Variants in TENM3 observed in about 807,000 individuals in gnomAD.
TENM3 encodes the protein teneurin transmembrane protein 3.
A neutral mutation model predicts 255.1 loss-of-function variants in TENM3; 63 were observed. The observed-to-expected ratio is 0.25, with a 90% confidence interval of 0.20 to 0.30. TENM3 has a LOEUF of 0.30. Among genes scored for constraint, TENM3 ranks in the 10% least tolerant of loss-of-function variants. The probability of loss-of-function intolerance (pLI) is 1.00; values close to 1 mark genes in which losing one functional copy is unlikely to be tolerated. For missense variants in TENM3, 2,929 were observed against 3,461.1 expected (o/e 0.85, Z 3.86); for synonymous variants, 1,306 against 1,322.3 (o/e 0.99, Z 0.27).
At chr4:182,467,744 T>G (rs558052706) in intron 3 of TENM3, among the ~76,000 whole-genome samples, 39 of 152,262 alleles carry the variant, frequency 2.6e-4, no homozygotes, top group African/African-American at 8.4e-4. Flanking sequence ...AGTCTATATA[T>G]GAACTATAAT....
chr4:181,612,781 C>T, the TENM3 span, among the ~76,000 whole-genome samples: 1 of 152,140 alleles, frequency 6.6e-6, no homozygotes, highest in African/African-American at 2.4e-5. Flanking sequence ...CATAATATTA[C>T]TTCAGTTGAG....
At chr4:181,605,522 GA>G in the TENM3 span, among the ~76,000 whole-genome samples, 2 of 18,300 alleles carry the variant, frequency 1.1e-4, no homozygotes, top group Non-Finnish European at 3.0e-4. Context: ...AAGAAAGAAA[GA>G]AAGAAAGAAA....
chr4:182,562,600 CTGCCACTTTG>C (rs1412234666), intron 3 of TENM3, among the ~76,000 whole-genome samples: 1 of 152,146 alleles, frequency 6.6e-6, no homozygotes, highest in African/African-American at 2.4e-5. Flanking sequence ...TTGGAGCAGG[CTGCCACTTTG>C]AGGCTGTCTC....
At chr4:182,059,668 G>T in the TENM3 span, among the ~76,000 whole-genome samples, 4,273 of 149,774 alleles carry the variant, frequency 0.029, 179 homozygotes, top group African/African-American at 0.1. Flanking sequence ...CAACACTTTG[G>T]GAGGCCAAGG....
the TENM3 span, among the ~76,000 whole-genome samples, chr4:181,954,216 A>G: frequency 1.3e-5 from 2 of 152,174 alleles, no homozygotes; most frequent in African/African-American, 2.4e-5. Context: ...TCTACTGTGC[A>G]TAGAGTTGCT....
intron 6 of TENM3, among the ~76,000 whole-genome samples, chr4:182,671,022 A>T (rs1376821483): frequency 6.6e-6 from 1 of 152,192 alleles, no homozygotes; most frequent in African/African-American, 2.4e-5. Flanking sequence ...AGCATAAAGT[A>T]TAAAGACCAT....
At chr4:182,796,603 C>G (rs746207903) in intron 26 of TENM3, 34 bp from the exon 27 acceptor site, 1 of 1,545,986 alleles carries the variant, frequency 6.5e-7, no homozygotes, top group Non-Finnish European at 8.7e-7. Flanking sequence ...AAAACAAACT[C>G]CAACACCTTT....
At chr4:181,924,859 C>A in the TENM3 span, among the ~76,000 whole-genome samples, 2 of 152,238 alleles carry the variant, frequency 1.3e-5, no homozygotes, top group East Asian at 3.9e-4. Flanking sequence ...GCAACTTGAA[C>A]ATGTCAAGGA....
chr4:182,650,092 G>C (rs1191696103), intron 5 of TENM3, among the ~76,000 whole-genome samples: 1 of 150,622 alleles, frequency 6.6e-6, no homozygotes, highest in Non-Finnish European at 1.5e-5. Context: ...GAACCTTTGT[G>C]AAGATTAGAG....
In TENM3 at chr4:182,792,766, G is replaced by C. The variant is rs373147440; in HGVS notation, c.6094G>C (p.Gly2032Arg). The change falls in exon 26 of 28, where the codon GGT (glycine) becomes CGT (arginine). Residue 2032 changes from glycine to arginine, a missense_variant. This residue lies in a region of TENM3 where 303 missense variants were observed against 425.2 expected (regional missense o/e 0.71). Transcript: ENST00000511685. The surrounding 1 kb of genome is among the most constrained non-coding windows in gnomAD (Gnocchi z 6.3). ...CAGCTTTCGAGTGACCAGCATGCAG[G>C]GTGTGATCAATGAAACGCCACTGCC... ...DNSFRVTSMQGVINETPLPID... is the reference protein window; with the variant it reads ...DNSFRVTSMQRVINETPLPID... The C allele has an allele frequency of 1.9e-6, 3 of 1,613,866 alleles. No individual in the cohort carries two copies. Among genetic ancestry groups the C allele is most frequent in the Non-Finnish European group, 2.5e-6 (3 of 1,179,884 alleles).
the TENM3 span, among the ~76,000 whole-genome samples, chr4:181,615,604 A>G: frequency 6.6e-6 from 1 of 152,326 alleles, no homozygotes; most frequent in African/African-American, 2.4e-5. Flanking sequence ...CATCCAATAT[A>G]GTAACTCCCA....
rs1202364339 is a variant in TENM3, at chr4:182,323,936, A to G, written c.-75-10A>G. The G allele has an allele frequency of 5.1e-6, 6 of 1,182,814 alleles. No individual in the cohort carries two copies. The highest frequency in any genetic ancestry group is 2.5e-5 in the East Asian group (1 of 39,496). 73.3% of individuals were successfully genotyped at this position (1,182,814 alleles called of 1,614,324 possible). ...CATGCTGACCTCATGCAAACCTTGT[A>G]TCTTCACAGAGAGGCCAATGAGACT... On this transcript the variant is annotated splice_polypyrimidine_tract_variant and intron_variant, in intron 1 of 27. Transcript: ENST00000511685.
intron 6 of TENM3, among the ~76,000 whole-genome samples, chr4:182,664,362 C>G (rs920102096): frequency 6.6e-6 from 1 of 152,150 alleles, no homozygotes; most frequent in South Asian, 2.1e-4. Flanking sequence ...CATAAGACAG[C>G]GAACTTAATA....
the TENM3 span, among the ~76,000 whole-genome samples, chr4:182,092,285 A>AGATGGC: frequency 6.6e-6 from 1 of 152,174 alleles, no homozygotes; most frequent in Non-Finnish European, 1.5e-5. Context: ...CAGTGAGTTG[A>AGATGGC]GATGGCGCCA....
chr4:182,661,327 A>G (rs116391253), intron 6 of TENM3, among the ~76,000 whole-genome samples: 1,546 of 149,742 alleles, frequency 0.01, 27 homozygotes, highest in African/African-American at 0.035. Context: ...CAGCCTCCCG[A>G]GTAGCTGGGA....
the TENM3 span, among the ~76,000 whole-genome samples, chr4:181,804,047 G>A: frequency 6.9e-6 from 1 of 145,976 alleles, no homozygotes; most frequent in South Asian, 2.3e-4. Context: ...GAAGGAGGAA[G>A]GGAGGAAGGA....
chr4:182,372,374 G>A (rs1040419752), intron 3 of TENM3, among the ~76,000 whole-genome samples: 8 of 139,344 alleles, frequency 5.7e-5, no homozygotes, highest in African/African-American at 2.0e-4. Context: ...TATTAAGTAT[G>A]ACACTGACAT....
the TENM3 span, among the ~76,000 whole-genome samples, chr4:182,103,541 C>T: frequency 3.3e-5 from 5 of 152,190 alleles, no homozygotes; most frequent in Non-Finnish European, 7.3e-5. Flanking sequence ...ATTCATGGCT[C>T]ACCTACATCT....
intron 1 of TENM3, among the ~76,000 whole-genome samples, chr4:182,308,916 C>T (rs529865001): frequency 5.9e-5 from 9 of 152,168 alleles, no homozygotes; most frequent in East Asian, 3.9e-4. Flanking sequence ...TAAACACCCA[C>T]GAAGAAAAAT....
Sources: allele counts gnomAD v4.1 joint callset (sites outside exome capture counted in the v4.1 genomes callset), GRCh38; gene constraint gnomAD v4.1.1; regional missense constraint gnomAD v4.1.1; non-coding constraint Gnocchi (gnomAD v3.1); transcripts MANE v1.5; gene names NCBI Gene and HGNC (gene_info 2026-07-23, HGNC 2026-07-21).